TNFRSF8: variants seen among roughly 807,000 people sequenced by gnomAD.
The protein encoded by TNFRSF8 is tumor necrosis factor receptor superfamily member 8.
In TNFRSF8, 26 loss-of-function variants were observed where a neutral mutation model predicts 70.8. The ratio of observed to expected loss-of-function variants is 0.37; its 90% CI spans 0.27 to 0.51. The LOEUF (loss-of-function observed/expected upper bound fraction) is 0.51. TNFRSF8 is among the 20% of genes least tolerant of loss of function. The probability of loss-of-function intolerance (pLI) is 0.94; values close to 1 mark genes in which losing one functional copy is unlikely to be tolerated. For synonymous variants in TNFRSF8, 356 were observed against 339.2 expected, an observed-to-expected ratio of 1.05 and a Z score of -0.54; for missense variants, 720 against 807.9, an observed-to-expected ratio of 0.89 and a Z score of 1.32.
rs1481120302 is a variant in TNFRSF8 at position 12,113,260 on chromosome 1, G to A, written c.793+1246G>A. 1.3e-5 allele frequency among the ~76,000 whole-genome samples: 2 copies of A among 152,140 alleles called. No homozygotes were observed. Among genetic ancestry groups the A allele is most frequent in the South Asian group, 2.1e-4 (1 of 4,814 alleles). On this transcript the variant is annotated intron_variant, in intron 7 of 14. Transcript: ENST00000263932. The surrounding 1 kb of genome is among the most constrained non-coding windows in gnomAD (Gnocchi z 4.9). ...GCAGCCTTGGTTCCCTTCCATGTCG[G>A]CCTCTTCGTGTCTTACCTGGGGCTT...
chr1:12,069,783 A>T (rs1640810718), intron 1 of TNFRSF8, among the ~76,000 whole-genome samples: 2 of 152,248 alleles, frequency 1.3e-5, no homozygotes, highest in East Asian at 3.9e-4. Flanking sequence ...CAGGGGTGAC[A>T]GTCAACAGAC....
intron 12 of TNFRSF8, among the ~76,000 whole-genome samples, 162 bp downstream of exon 12, chr1:12,126,398 G>A (rs1048329968): frequency 6.6e-6 from 1 of 152,202 alleles, no homozygotes; most frequent in African/African-American, 2.4e-5. Context: ...TGCAATGTGG[G>A]TGAAAACTCA....
At chr1:12,132,221 T>C (rs1642060702) in intron 12 of TNFRSF8, among the ~76,000 whole-genome samples, 1 of 152,252 alleles carries the variant, frequency 6.6e-6, no homozygotes. Context: ...TCAAAATATG[T>C]GAACCATTAT....
intron 10 of TNFRSF8, among the ~76,000 whole-genome samples, chr1:12,125,635 G>T (rs1331388563): frequency 6.6e-6 from 1 of 152,190 alleles, no homozygotes; most frequent in Non-Finnish European, 1.5e-5. Flanking sequence ...CCAGATGCCG[G>T]TCACACCGGG....
intron 1 of TNFRSF8, among the ~76,000 whole-genome samples, chr1:12,076,086 C>CTCTTTT (rs58965655): frequency 7.4e-6 from 1 of 134,494 alleles, no homozygotes; most frequent in Non-Finnish European, 1.6e-5. Context: ...TGGTTTTATT[C>CTCTTTT]TTTTTTTTTT....
intron 12 of TNFRSF8, among the ~76,000 whole-genome samples, chr1:12,135,338 T>TGAGA (rs1316040482): frequency 9.0e-6 from 1 of 110,504 alleles, no homozygotes; most frequent in African/African-American, 3.5e-5. Context: ...AAAAAAGGAA[T>TGAGA]GAGAGTGGCC....
chr1:12,088,548 G>A lies in TNFRSF8; in HGVS notation c.151+3997G>A, dbSNP rs1365572482. Among the ~76,000 whole-genome samples the A allele has an allele frequency of 6.6e-6, 1 of 152,186 alleles. No homozygotes were observed. Among genetic ancestry groups the A allele is most frequent in the Non-Finnish European group, 1.5e-5 (1 of 68,030 alleles). ...TTACGAGTGAAGAGCTAATGCGGGG[G>A]CTACAAAGCCCTTCCTGTTCTCCAT... On this transcript the variant is annotated intron_variant, in intron 2 of 14. Coordinates refer to ENST00000263932, the MANE Select transcript of TNFRSF8 (RefSeq NM_001243.5). The surrounding 1 kb of genome is among the most constrained non-coding windows in gnomAD (Gnocchi z 4.0).
At chr1:12,071,898 T>C (rs1045598011) in intron 1 of TNFRSF8, among the ~76,000 whole-genome samples, 3 of 152,196 alleles carry the variant, frequency 2.0e-5, no homozygotes, top group Admixed American at 2.0e-4. Flanking sequence ...GGTTTCACCA[T>C]GTTGGCCAGG....
chr1:12,118,725 C>A (rs1641777959), intron 8 of TNFRSF8, among the ~76,000 whole-genome samples: 1 of 152,226 alleles, frequency 6.6e-6, no homozygotes, highest in South Asian at 2.1e-4. Flanking sequence ...ACCTTTCCAT[C>A]CCTGCCCTGC....
intron 1 of TNFRSF8, among the ~76,000 whole-genome samples, chr1:12,074,312 C>T (rs912207593): frequency 6.6e-6 from 1 of 151,488 alleles, no homozygotes; most frequent in African/African-American, 2.4e-5. Context: ...CAGAATCTCA[C>T]TCTGTCACCC....
Position 12,080,404 on chromosome 1 carries a change from G to A in TNFRSF8, c.64-4060G>A, listed in dbSNP as rs1569993170. On this transcript the variant is annotated intron_variant, in intron 1 of 14. Coordinates refer to ENST00000263932, the MANE Select transcript of TNFRSF8 (RefSeq NM_001243.5). ...TCACAGCCTGTTTGCTCTGGTACTTGTTGGCTTTAACATCCACAGTGAATA... is the reference window on the plus strand; with the variant it reads ...TCACAGCCTGTTTGCTCTGGTACTTATTGGCTTTAACATCCACAGTGAATA... The A allele has an allele frequency of 9.5e-6, 5 of 526,246 alleles. No individual in the cohort carries two copies. In the East Asian group the frequency reaches 2.6e-4, roughly 27 times the overall value. 32.6% of individuals were successfully genotyped at this position (526,246 alleles called of 1,614,324 possible).
In TNFRSF8 at chr1:12,142,411, T is replaced by C. The variant is rs1281491938; in HGVS notation, c.1668T>C (p.His556=). 6.2e-7 allele frequency: 1 copy of C among 1,612,516 alleles called. No individual in the cohort carries two copies. The highest frequency in any genetic ancestry group is 2.2e-5 in the East Asian group (1 of 44,848). Residue 556 remains histidine, a synonymous_variant, in exon 15 of 15, where the codon CAT becomes CAC. Coordinates refer to ENST00000263932, the MANE Select transcript of TNFRSF8 (RefSeq NM_001243.5). The surrounding 1 kb of genome is among the most constrained non-coding windows in gnomAD (Gnocchi z 5.0). ...TGGAGGAGGAGCTGGAGGCGGACCA[T>C]ACCCCCCACTACCCCGAGCAGGAGA... is the stretch of plus-strand genomic sequence containing the variant. ...PELEEELEAD[H]TPHYPEQETE...
chr1:12,097,531 T>C (rs1641351757), intron 3 of TNFRSF8, among the ~76,000 whole-genome samples: 1 of 152,120 alleles, frequency 6.6e-6, no homozygotes, highest in South Asian at 2.1e-4. Flanking sequence ...AATTTGAGGA[T>C]AGGGAGGTTA....
At position 12,063,570 on chromosome 1, in the gene TNFRSF8, G is replaced by T; in HGVS notation, c.-29G>T. 18 of 1,306,040 alleles carry T rather than the reference G, an allele frequency of 1.4e-5. No homozygotes were observed. Among genetic ancestry groups the T allele is most frequent in the Non-Finnish European group, 1.8e-5 (18 of 1,020,388 alleles). The allele number at this position is 1,306,040 out of a possible 1,614,324, so 80.9% of individuals were successfully genotyped here. On this transcript the variant is annotated 5_prime_UTR_variant, in exon 1 of 15. Coordinates refer to ENST00000263932, the MANE Select transcript of TNFRSF8 (RefSeq NM_001243.5). The surrounding 1 kb of genome is among the most constrained non-coding windows in gnomAD (Gnocchi z 7.2). ...CCCGCTTCCCAGGTGGGCGCCGGCC[G>T]CCAGGCCACCTCACGTCCGGCCCCG...
At chr1:12,123,477 G>A in intron 9 of TNFRSF8, 100 bp downstream of exon 9, 2 of 1,183,430 alleles carry the variant, frequency 1.7e-6, no homozygotes, top group South Asian at 1.5e-5. Flanking sequence ...TGGGGGTGGA[G>A]GTGGGGCCTG....
rs1244236820 is a variant in TNFRSF8, at chr1:12,142,567, G to A, written c.*36G>A. ...GGGCTGGGGCTAGGAGGGCAGCAGG[G>A]TGGCCTCTGGGAGGCCAGGATGGCA... On this transcript the variant is annotated 3_prime_UTR_variant, in exon 15 of 15. Transcript: ENST00000263932. This position sits in a 1 kb window ranked among gnomAD's most constrained non-coding sequence, Gnocchi z 5.0. 1.2e-5 allele frequency: 18 copies of A among 1,546,142 alleles called. No homozygotes were observed. The highest frequency in any genetic ancestry group is 1.6e-5 in the Non-Finnish European group (18 of 1,143,804).
chr1:12,141,179 G>A lies in TNFRSF8; in HGVS notation c.1544-1108G>A, dbSNP rs1359390286. Among the ~76,000 whole-genome samples the A allele has an allele frequency of 6.6e-6, 1 of 151,936 alleles. No homozygotes were observed. The highest frequency in any genetic ancestry group is 1.5e-5 in the Non-Finnish European group (1 of 67,958). On this transcript the variant is annotated intron_variant, in intron 14 of 14. Coordinates refer to ENST00000263932, the MANE Select transcript of TNFRSF8 (RefSeq NM_001243.5). This position sits in a 1 kb window ranked among gnomAD's most constrained non-coding sequence, Gnocchi z 5.4. Reference sequence around the variant, plus strand: ...ACCTTTTTGGGGTTCCTGAATCCGAGGGGTATAACTGCATTACCCAGAAAG... The same window carrying A: ...ACCTTTTTGGGGTTCCTGAATCCGAAGGGTATAACTGCATTACCCAGAAAG...
At chr1:12,105,499 C>T (rs1570034433) in intron 4 of TNFRSF8, among the ~76,000 whole-genome samples, 1 of 151,834 alleles carries the variant, frequency 6.6e-6, no homozygotes, top group African/African-American at 2.4e-5. Context: ...GCCAGAATGA[C>T]CCTTGCAAGA....
intron 1 of TNFRSF8, among the ~76,000 whole-genome samples, chr1:12,069,170 CTTTTTTTT>C (rs57009728): frequency 5.6e-5 from 3 of 53,582 alleles, no homozygotes; most frequent in African/African-American, 2.5e-4. Flanking sequence ...TGCACCCGGC[CTTTTTTTT>C]TTTTTTTTTT....
Sources: gnomAD v4.1 joint callset for allele counts (sites outside exome capture counted in the v4.1 genomes callset) on GRCh38, gnomAD v4.1.1 for gene constraint, Gnocchi (gnomAD v3.1) non-coding constraint, MANE v1.5 for transcripts, NCBI Gene and HGNC (gene_info 2026-07-23, HGNC 2026-07-21) for gene names.